The following DCC variants were observed in gnomAD, a reference collection of about 807,000 sequenced individuals.
DCC encodes the protein DCC netrin 1 receptor.
Under a neutral mutation model 172.5 loss-of-function variants are expected in DCC, and 58 were observed. The ratio of observed to expected loss-of-function variants is 0.34; its 90% CI spans 0.27 to 0.42. The LOEUF is 0.42. Among genes scored for constraint, DCC ranks in the 10% least tolerant of loss-of-function variants. DCC has a pLI of 1.00. For synonymous variants in DCC, 709 were observed against 644.5 expected, an observed-to-expected ratio of 1.10 and a Z score of -1.52; for missense variants, 1,740 against 1,791.0, an observed-to-expected ratio of 0.97 and a Z score of 0.51.
At chr18:53,400,730 T>C (rs1191483714) in intron 18 of DCC, among the ~76,000 whole-genome samples, 21 of 152,176 alleles carry the variant, frequency 1.4e-4, no homozygotes, top group Non-Finnish European at 2.5e-4. Flanking sequence ...GCACAGCACC[T>C]GAATTAGATT....
At chr18:53,153,855 A>G (rs544888256) in intron 7 of DCC, among the ~76,000 whole-genome samples, 5 of 152,286 alleles carry the variant, frequency 3.3e-5, no homozygotes, top group African/African-American at 1.2e-4. Context: ...ATATAGAAGC[A>G]TCAAGAAGCC....
intron 1 of DCC, among the ~76,000 whole-genome samples, chr18:52,373,360 GC>G (rs1985206909): frequency 6.6e-6 from 1 of 152,106 alleles, no homozygotes; most frequent in Admixed American, 6.5e-5. Context: ...TTTTGAGGGG[GC>G]TTTCACAAAT....
intron 9 of DCC, among the ~76,000 whole-genome samples, chr18:53,190,703 T>C (rs1427718840): frequency 6.6e-6 from 1 of 152,068 alleles, no homozygotes; most frequent in Non-Finnish European, 1.5e-5. Context: ...TCCCAGCACT[T>C]TGGGAGGCTG....
intron 15 of DCC, among the ~76,000 whole-genome samples, chr18:53,348,515 T>C (rs376723830): frequency 3.4e-4 from 51 of 152,176 alleles, no homozygotes; most frequent in African/African-American, 1.2e-3. Flanking sequence ...CATTCTGGGG[T>C]CTGGAGGACA....
At chr18:52,381,085 G>A (rs576573222) in intron 1 of DCC, among the ~76,000 whole-genome samples, 19 of 152,070 alleles carry the variant, frequency 1.2e-4, no homozygotes, top group Admixed American at 9.2e-4. Context: ...GAAAAAGGGG[G>A]GCACTAATTA....
chr18:53,041,002 A>T (rs1446716096), intron 5 of DCC, among the ~76,000 whole-genome samples: 5 of 151,320 alleles, frequency 3.3e-5, no homozygotes, highest in Non-Finnish European at 7.4e-5. Context: ...CACTCTGATT[A>T]TAGCTTCTTT....
chr18:52,801,221 G>A (rs542408155), intron 2 of DCC, among the ~76,000 whole-genome samples: 16 of 152,234 alleles, frequency 1.1e-4, no homozygotes, highest in African/African-American at 3.6e-4. Flanking sequence ...AGTGGAAGAG[G>A]TTACTACCAT....
chr18:52,739,045 C>T (rs1357838955), intron 1 of DCC, among the ~76,000 whole-genome samples: 1 of 152,070 alleles, frequency 6.6e-6, no homozygotes, highest in Non-Finnish European at 1.5e-5. Flanking sequence ...ACTGGCAGCA[C>T]AGTAGATTTG....
intron 5 of DCC, among the ~76,000 whole-genome samples, chr18:53,016,062 A>T (rs1173835713): frequency 6.6e-6 from 1 of 152,132 alleles, no homozygotes; most frequent in East Asian, 1.9e-4. Flanking sequence ...AGCCAAAAAC[A>T]TGTCACTTTT....
At chr18:52,779,540 A>T (rs1021871019) in intron 2 of DCC, among the ~76,000 whole-genome samples, 2 of 152,152 alleles carry the variant, frequency 1.3e-5, no homozygotes, top group Non-Finnish European at 2.9e-5. Flanking sequence ...CATTTTCTTT[A>T]TCCAGCTTAT....
At chr18:53,156,178 T>C (rs1204158250) in intron 7 of DCC, among the ~76,000 whole-genome samples, 1 of 152,058 alleles carries the variant, frequency 6.6e-6, no homozygotes, top group Non-Finnish European at 1.5e-5. Flanking sequence ...AACTGTGAAA[T>C]GAATATTTTA....
intron 7 of DCC, among the ~76,000 whole-genome samples, 187 bp downstream of exon 7, chr18:53,066,353 G>GTGTATATATA (rs1555704364): frequency 1.1e-5 from 1 of 94,618 alleles, no homozygotes; most frequent in Non-Finnish European, 2.2e-5. Flanking sequence ...GTACATGTGT[G>GTGTATATATA]TATATATATA....
intron 1 of DCC, among the ~76,000 whole-genome samples, chr18:52,624,685 AGGACC>A (rs1319677911): frequency 1.3e-5 from 2 of 152,230 alleles, no homozygotes; most frequent in African/African-American, 4.8e-5. Flanking sequence ...ATTGTAGGAC[AGGACC>A]TTGGAAAACT....
intron 5 of DCC, among the ~76,000 whole-genome samples, chr18:52,929,733 A>G (rs2040274517): frequency 1.3e-5 from 2 of 152,116 alleles, no homozygotes; most frequent in South Asian, 4.1e-4. Context: ...TATGGTTTAA[A>G]AATGAGATAA....
At chr18:52,995,944 A>C (rs2041470697) in intron 5 of DCC, among the ~76,000 whole-genome samples, 1 of 148,404 alleles carries the variant, frequency 6.7e-6, no homozygotes. Flanking sequence ...GTTCAAGTGG[A>C]CTCTTTCCTC....
chr18:53,381,673 A>G (rs1004188032), intron 15 of DCC, among the ~76,000 whole-genome samples: 6 of 146,282 alleles, frequency 4.1e-5, no homozygotes, highest in African/African-American at 1.5e-4. Flanking sequence ...TTTTTCCGGG[A>G]TTATATGTAT....
chr18:53,012,892 C>T (rs543568273), intron 5 of DCC, among the ~76,000 whole-genome samples: 3 of 152,004 alleles, frequency 2.0e-5, no homozygotes, highest in African/African-American at 7.2e-5. Context: ...GAAAAAAATG[C>T]CCCATCAAAA....
At chr18:52,472,324 T>C (rs1322007554) in intron 1 of DCC, among the ~76,000 whole-genome samples, 2 of 152,112 alleles carry the variant, frequency 1.3e-5, no homozygotes, top group Non-Finnish European at 2.9e-5. Context: ...GCCCACCATC[T>C]GTGTTCATCT....
rs78344664 is a variant in DCC at position 52,614,104 on chromosome 18, C to T, written c.92-137950C>T. 3.3e-3 allele frequency among the ~76,000 whole-genome samples: 502 copies of T among 152,246 alleles called. 4 individuals are homozygous for T. Among genetic ancestry groups the T allele is most frequent in the Non-Finnish European group, 6.1e-3 (412 of 68,020 alleles). On this transcript the variant is annotated intron_variant, in intron 1 of 28. Coordinates refer to ENST00000442544, the MANE Select transcript of DCC (RefSeq NM_005215.4). ...TCTCTGCCAGCCTTTTGGAATCAAA[C>T]TGGAAGTTCTAGTAACACTTGCTTC... is the stretch of plus-strand genomic sequence containing the variant.
Sources: allele counts gnomAD v4.1 joint callset (sites outside exome capture counted in the v4.1 genomes callset), GRCh38; gene constraint gnomAD v4.1.1; transcripts MANE v1.5; gene names NCBI Gene and HGNC (gene_info 2026-07-23, HGNC 2026-07-21).